UBE2K: variants seen among roughly 807,000 people sequenced by gnomAD.
The protein encoded by UBE2K is ubiquitin-conjugating enzyme E2 K.
UBE2K carries 6 observed loss-of-function variants against 30.0 expected under a neutral mutation model. The ratio of observed to expected loss-of-function variants is 0.20; its 90% CI spans 0.11 to 0.39. The LOEUF (loss-of-function observed/expected upper bound fraction) is 0.39. Ranked by LOEUF, UBE2K falls within the 10% of genes least tolerant of loss-of-function variation. UBE2K has a pLI of 1.00. For missense variants in UBE2K, 61 were observed against 241.6 expected (o/e 0.25, Z 4.96); for synonymous variants, 86 against 83.7 (o/e 1.03, Z -0.15).
In UBE2K at chr4:39,755,331, T is replaced by C. The variant is rs570324831; in HGVS notation, c.217-326T>C. 5.9e-5 allele frequency among the ~76,000 whole-genome samples: 9 copies of C among 152,380 alleles called. No homozygotes were observed. The South Asian group carries it at 1.7e-3, about 28-fold the overall frequency. ...CTATTTATGTTTTTATTTTATGTAC[T>C]ATTTTATTTACCAAAATGGATTTTA... On this transcript the variant is annotated intron_variant, in intron 3 of 6. Coordinates refer to ENST00000261427, the MANE Select transcript of UBE2K (RefSeq NM_005339.5).
intron 1 of UBE2K, among the ~76,000 whole-genome samples, chr4:39,712,518 C>T (rs1358418374): frequency 6.6e-6 from 1 of 151,748 alleles, no homozygotes; most frequent in Non-Finnish European, 1.5e-5. Context: ...CAACCTCCAT[C>T]TCCTGTGTTC....
intron 4 of UBE2K, among the ~76,000 whole-genome samples, chr4:39,773,765 CA>C (rs1046950269): frequency 7.3e-5 from 11 of 151,600 alleles, no homozygotes; most frequent in Admixed American, 7.2e-4. Context: ...ACTAAAAATA[CA>C]AAAAATTAGC....
At chr4:39,741,658 A>G (rs1720710564) in intron 2 of UBE2K, among the ~76,000 whole-genome samples, 1 of 152,210 alleles carries the variant, frequency 6.6e-6, no homozygotes, top group Admixed American at 6.5e-5. Flanking sequence ...CTCACGGGAA[A>G]ATGCCATATT....
At position 39,726,517 on chromosome 4, in the gene UBE2K, C is replaced by T. The variant is rs1214862853; in HGVS notation, c.64-10903C>T. Among the ~76,000 whole-genome samples the T allele has an allele frequency of 2.7e-5, 4 of 148,030 alleles. No individual in the cohort carries two copies. In the East Asian group the frequency reaches 8.2e-4, roughly 30 times the overall value. ...ATTACAGGTGTGAGCCACCACTCCT[C>T]CTGGCCTCCACTTTCGGTAGTTATG... On this transcript the variant is annotated intron_variant, in intron 1 of 6. Transcript: ENST00000261427.
chr4:39,757,023 TTG>T lies in UBE2K; in HGVS notation c.299+1286_299+1287del, dbSNP rs1184518472. 4.0e-4 allele frequency among the ~76,000 whole-genome samples: 38 copies of T among 94,838 alleles called. 8 individuals carry two copies. In the South Asian group the frequency reaches 7.7e-3, roughly 19 times the overall value. 62.2% of individuals were successfully genotyped at this position (94,838 alleles called of 152,430 possible). A position where few individuals can be genotyped will look rare whatever the true frequency, so the allele number is the denominator to read the frequency against. On this transcript the variant is annotated intron_variant, in intron 4 of 6. Transcript: ENST00000261427. ...GTGTTTTTTTTTTGTTTTTTGTTTT[TTG>T]TTTTTTGTTTTTTTTTTGAGACAGA...
At chr4:39,767,863 A>G (rs1462621175) in intron 4 of UBE2K, among the ~76,000 whole-genome samples, 1 of 152,116 alleles carries the variant, frequency 6.6e-6, no homozygotes, top group Non-Finnish European at 1.5e-5. Context: ...AAATAATTTT[A>G]TTAAAAATTA....
At chr4:39,766,522 G>A (rs1712351402) in intron 4 of UBE2K, among the ~76,000 whole-genome samples, 1 of 150,016 alleles carries the variant, frequency 6.7e-6, no homozygotes, top group South Asian at 2.1e-4. Context: ...TATGTATTAT[G>A]GATATTAAGC....
chr4:39,768,675 C>A (rs1712520022), intron 4 of UBE2K, among the ~76,000 whole-genome samples: 1 of 152,090 alleles, frequency 6.6e-6, no homozygotes, highest in Non-Finnish European at 1.5e-5. Flanking sequence ...AACCACCGTG[C>A]CTGGTCCTAT....
At chr4:39,773,941 T>TAACAAGAAGGATCTTGGC (rs1393702608) in intron 4 of UBE2K, among the ~76,000 whole-genome samples, 1 of 151,672 alleles carries the variant, frequency 6.6e-6, no homozygotes, top group Non-Finnish European at 1.5e-5. Context: ...TAAACTAAAC[T>TAACAAGAAGGATCTTGGC]AACAAGAAGG....
intron 1 of UBE2K, among the ~76,000 whole-genome samples, chr4:39,717,058 T>C (rs75625038): frequency 6.7e-6 from 1 of 148,306 alleles, no homozygotes; most frequent in Non-Finnish European, 1.5e-5. Context: ...CCTAAACTAC[T>C]CTGGATGCTG....
intron 1 of UBE2K, among the ~76,000 whole-genome samples, chr4:39,724,374 G>C (rs1001531142): frequency 3.3e-5 from 5 of 151,692 alleles, no homozygotes; most frequent in Non-Finnish European, 7.4e-5. Context: ...CAAAGTGCTG[G>C]GATTACAGGT....
chr4:39,735,141 T>C (rs935577717), intron 1 of UBE2K, among the ~76,000 whole-genome samples: 1 of 152,230 alleles, frequency 6.6e-6, no homozygotes, highest in Non-Finnish European at 1.5e-5. Flanking sequence ...CTTAAATTGG[T>C]CAGTGAAAGT....
intron 1 of UBE2K, among the ~76,000 whole-genome samples, chr4:39,733,323 C>T (rs1190474157): frequency 4.2e-5 from 6 of 141,254 alleles, no homozygotes; most frequent in African/African-American, 1.0e-4. Context: ...TTTGTAAAAT[C>T]GGGCTTTAAT....
At chr4:39,715,250 A>C (rs1718991841) in intron 1 of UBE2K, among the ~76,000 whole-genome samples, 1 of 150,736 alleles carries the variant, frequency 6.6e-6, no homozygotes, top group Non-Finnish European at 1.5e-5. Flanking sequence ...AGATGGTCTC[A>C]ATCTCCTGAC....
At chr4:39,770,126 G>A (rs1446631914) in intron 4 of UBE2K, 9 of 1,592,526 alleles carry the variant, frequency 5.7e-6, no homozygotes, top group South Asian at 1.1e-5. Context: ...TCTCCAGCAC[G>A]TTCTCGGCGG....
intron 3 of UBE2K, among the ~76,000 whole-genome samples, chr4:39,748,828 T>C (rs1721113915): frequency 6.6e-6 from 1 of 151,978 alleles, no homozygotes; most frequent in Non-Finnish European, 1.5e-5. Context: ...CAAAAAAAAA[T>C]AAAGAACAAA....
At chr4:39,710,460 G>A (rs1718606091) in intron 1 of UBE2K, among the ~76,000 whole-genome samples, 1 of 151,670 alleles carries the variant, frequency 6.6e-6, no homozygotes, top group Admixed American at 6.6e-5. Context: ...TGGAGTTGAG[G>A]TTCTCACTAT....
intron 1 of UBE2K, among the ~76,000 whole-genome samples, chr4:39,721,898 G>A (rs1401510616): frequency 2.0e-5 from 3 of 152,124 alleles, no homozygotes; most frequent in Non-Finnish European, 2.9e-5. Context: ...AGACCAGTCT[G>A]GACAACATGA....
chr4:39,714,878 C>T (rs911295825), intron 1 of UBE2K, among the ~76,000 whole-genome samples: 5 of 151,116 alleles, frequency 3.3e-5, no homozygotes, highest in African/African-American at 1.2e-4. Flanking sequence ...AGACAGGTCT[C>T]ACTCACACGC....
Sources: allele counts gnomAD v4.1 joint callset (sites outside exome capture counted in the v4.1 genomes callset), GRCh38; gene constraint gnomAD v4.1.1; transcripts MANE v1.5; gene names NCBI Gene and HGNC (gene_info 2026-07-23, HGNC 2026-07-21).